AGBL1: variants seen among roughly 807,000 people sequenced by gnomAD.
AGBL1 encodes the protein cytosolic carboxypeptidase 4.
A neutral mutation model predicts 118.9 loss-of-function variants in AGBL1; 130 were observed. The ratio of observed to expected loss-of-function variants is 1.09; its 90% confidence interval spans 0.95 to 1.26. AGBL1 has a LOEUF of 1.26. Among genes scored for constraint, AGBL1 ranks in the 50% most tolerant of loss-of-function variants. The pLI is 0.00. For synonymous variants in AGBL1, 555 were observed against 478.9 expected, an observed-to-expected ratio of 1.16 and a Z score of -2.08; for missense variants, 1,584 against 1,298.1, an observed-to-expected ratio of 1.22 and a Z score of -3.38.
intron 22 of AGBL1, among the ~76,000 whole-genome samples, chr15:86,677,001 G>A (rs931917894): frequency 1.3e-5 from 2 of 152,144 alleles, no homozygotes; most frequent in Non-Finnish European, 2.9e-5. Context: ...GGGCGACAGA[G>A]GGAGACTCTG....
At chr15:86,236,952 C>CGGG (rs1398987301) in intron 6 of AGBL1, among the ~76,000 whole-genome samples, 481 of 10,250 alleles carry the variant, frequency 0.047, 38 homozygotes, top group African/African-American at 0.21. Context: ...CGGGGGGGGG[C>CGGG]GGGGGGGCGC....
At chr15:86,246,212 G>A (rs938836514) in intron 6 of AGBL1, among the ~76,000 whole-genome samples, 1 of 152,146 alleles carries the variant, frequency 6.6e-6, no homozygotes, top group African/African-American at 2.4e-5. Context: ...TTGATCTTGG[G>A]GTCTCTTTCA....
At chr15:86,874,125 T>A (rs1280986775) in intron 22 of AGBL1, among the ~76,000 whole-genome samples, 1 of 152,178 alleles carries the variant, frequency 6.6e-6, no homozygotes, top group Non-Finnish European at 1.5e-5. Flanking sequence ...TCATAAAACC[T>A]AATATAACTG....
At chr15:86,594,930 G>T (rs1044902758) in intron 21 of AGBL1, among the ~76,000 whole-genome samples, 28 of 152,094 alleles carry the variant, frequency 1.8e-4, no homozygotes, top group African/African-American at 6.0e-4. Context: ...TCTCCACTTT[G>T]CTAAATGAGT....
At chr15:86,184,429 C>CTTTTTTTT (rs199807402) in intron 5 of AGBL1, among the ~76,000 whole-genome samples, 22 of 144,484 alleles carry the variant, frequency 1.5e-4, no homozygotes, top group African/African-American at 5.5e-4. Flanking sequence ...TTTCTTTTTT[C>CTTTTTTTT]TTTCTTTTTT....
At position 87,007,109 on chromosome 15, in the gene AGBL1, G is replaced by C. The variant is rs550402641; in HGVS notation, c.3323+19021G>C. Among the ~76,000 whole-genome samples, 4 of 152,202 alleles carry C rather than the reference G, an allele frequency of 2.6e-5. No homozygotes were observed. The East Asian group carries it at 7.7e-4, about 29-fold the overall frequency. On this transcript the variant is annotated intron_variant, in intron 24 of 24. Transcript: ENST00000441037. ...GAAGTTATAGAAAGGGTTCAAAAAA[G>C]AATCACAGAAATTATGCCTTTTTAA...
At chr15:86,609,996 A>G (rs1044687007) in intron 21 of AGBL1, among the ~76,000 whole-genome samples, 4 of 152,210 alleles carry the variant, frequency 2.6e-5, no homozygotes, top group East Asian at 1.9e-4. Flanking sequence ...CACAGATCAA[A>G]TAAGTAGCAG....
intron 23 of AGBL1, among the ~76,000 whole-genome samples, chr15:86,952,180 G>A (rs540275295): frequency 6.6e-5 from 10 of 151,536 alleles, no homozygotes; most frequent in South Asian, 4.2e-4. Flanking sequence ...GCAGTGAGCC[G>A]AGATCACGCT....
chr15:86,559,834 T>C (rs1244113615), intron 21 of AGBL1, among the ~76,000 whole-genome samples: 1 of 152,164 alleles, frequency 6.6e-6, no homozygotes, highest in Non-Finnish European at 1.5e-5. Context: ...TCGTGCTTTC[T>C]GTCTAGTAGA....
Position 86,123,963 on chromosome 15 carries a change from G to C in AGBL1, c.52-18041G>C, listed in dbSNP as rs375075955. Among the ~76,000 whole-genome samples the C allele has an allele frequency of 1.9e-4, 29 of 152,238 alleles. No individual in the cohort carries two copies. The South Asian group carries it at 5.6e-3, about 29-fold the overall frequency. ...ACAACCATATGCAACATGGTAACTGGGTGGGATATTGGAATGGAACGAGGA... is the reference window on the plus strand; with the variant it reads ...ACAACCATATGCAACATGGTAACTGCGTGGGATATTGGAATGGAACGAGGA... On this transcript the variant is annotated intron_variant, in intron 1 of 22. Transcript: ENST00000614907.
chr15:86,520,176 G>A (rs2083169400), intron 18 of AGBL1, among the ~76,000 whole-genome samples: 2 of 152,176 alleles, frequency 1.3e-5, no homozygotes, highest in South Asian at 2.1e-4. Flanking sequence ...TCAAAGTTGT[G>A]CTATGCATCC....
chr15:86,419,383 G>A (rs932348688), intron 18 of AGBL1, among the ~76,000 whole-genome samples: 2 of 152,144 alleles, frequency 1.3e-5, no homozygotes, highest in African/African-American at 2.4e-5. Context: ...CGTAGCCAAG[G>A]GAAGCCGTGA....
chr15:86,972,473 C>T (rs1398858232), intron 23 of AGBL1, among the ~76,000 whole-genome samples: 5 of 151,994 alleles, frequency 3.3e-5, no homozygotes, highest in Non-Finnish European at 5.9e-5. Context: ...TCAAACAAAG[C>T]GTTTTTTATT....
At position 86,132,565 on chromosome 15, in the gene AGBL1, A is replaced by G. The variant is rs546134067; in HGVS notation, c.52-9439A>G. ...GCAAGTTTTGTGCTATAATTTGTCAACTGTGCTTGGGAAAGACTTCATAGA... is the reference window on the plus strand; with the variant it reads ...GCAAGTTTTGTGCTATAATTTGTCAGCTGTGCTTGGGAAAGACTTCATAGA... On this transcript the variant is annotated intron_variant, in intron 1 of 22. Transcript: ENST00000614907. Among the ~76,000 whole-genome samples the G allele has an allele frequency of 4.0e-4, 61 of 152,296 alleles. 2 individuals carry two copies. In the South Asian group the frequency reaches 8.7e-3, roughly 22 times the overall value.
chr15:86,307,431 GT>G (rs546130911), intron 17 of AGBL1, among the ~76,000 whole-genome samples: 13 of 150,446 alleles, frequency 8.6e-5, no homozygotes, highest in African/African-American at 2.2e-4. Context: ...AAATTTGTTA[GT>G]TTTTTTTTGC....
At chr15:86,440,642 G>C (rs1232160081) in intron 18 of AGBL1, among the ~76,000 whole-genome samples, 2 of 152,046 alleles carry the variant, frequency 1.3e-5, no homozygotes, top group East Asian at 3.9e-4. Context: ...GAGTCCAGTA[G>C]TTAGCCCCAA....
chr15:86,724,200 C>T (rs979041252), intron 22 of AGBL1, among the ~76,000 whole-genome samples: 22 of 137,666 alleles, frequency 1.6e-4, no homozygotes, highest in Admixed American at 3.2e-4. Flanking sequence ...AGCGCCACTG[C>T]GCTCCAGCCT....
rs1197851893 is a variant in AGBL1 at position 86,935,405 on chromosome 15, T to G, written c.3222-52582T>G. 3.9e-5 allele frequency among the ~76,000 whole-genome samples: 6 copies of G among 152,178 alleles called. No individual in the cohort carries two copies. The South Asian group carries it at 8.3e-4, about 21-fold the overall frequency. On this transcript the variant is annotated intron_variant, in intron 23 of 24. Transcript: ENST00000441037. ...GATTTGCTCAGAGAAAGGGATGGCT[T>G]AGGAGAAGACAGAGAAGGTAAGAAC...
At chr15:86,788,599 G>A (rs953105166) in intron 22 of AGBL1, among the ~76,000 whole-genome samples, 3 of 152,252 alleles carry the variant, frequency 2.0e-5, no homozygotes, top group South Asian at 2.1e-4. Flanking sequence ...TTAAAGATGC[G>A]AGACGGTCAT....
Sources: allele counts gnomAD v4.1 joint callset (sites outside exome capture counted in the v4.1 genomes callset), GRCh38; gene constraint gnomAD v4.1.1; transcripts MANE v1.5; gene names NCBI Gene and HGNC (gene_info 2026-07-23, HGNC 2026-07-21).